Variants in BMPER observed in about 807,000 individuals in gnomAD.
The protein encoded by BMPER is BMP binding endothelial regulator.
BMPER carries 45 observed loss-of-function variants against 87.3 expected under a neutral mutation model. That is an observed-to-expected ratio of 0.52 (90% CI 0.41 to 0.66). The LOEUF (loss-of-function observed/expected upper bound fraction) is 0.66, where lower values mean the gene tolerates loss of function less well. Among genes scored for constraint, BMPER ranks in the 30% least tolerant of loss-of-function variants. BMPER has a pLI of 0.00. For missense variants in BMPER, 784 were observed against 867.5 expected, an observed-to-expected ratio of 0.90 and a Z score of 1.21; for synonymous variants, 326 against 316.2, an observed-to-expected ratio of 1.03 and a Z score of -0.33.
chr7:34,129,682 A>AAGAAAGAAAGAAAGAAAGAAAGAAAGAG (rs1489828774), intron 13 of BMPER, among the ~76,000 whole-genome samples: 2 of 151,500 alleles, frequency 1.3e-5, no homozygotes, highest in Admixed American at 6.6e-5. Context: ...GAAAGAAAGA[A>AAGAAAGAAAGAAAGAAAGAAAGAAAGAG]AACCTGCCAT....
chr7:34,043,074 A>G (rs561734425), intron 6 of BMPER: 1 of 152,262 alleles, frequency 6.6e-6, no homozygotes, highest in Non-Finnish European at 1.5e-5. Flanking sequence ...TTTAACGAAG[A>G]TGGAAACCAT....
intron 13 of BMPER, among the ~76,000 whole-genome samples, chr7:34,131,741 G>C (rs76760208): frequency 0.01 from 1,577 of 152,310 alleles, 21 homozygotes; most frequent in African/African-American, 0.036. Flanking sequence ...ACCCAGGCTA[G>C]TATTGTTCGG....
At chr7:33,961,871 C>G (rs536815496) in intron 3 of BMPER, among the ~76,000 whole-genome samples, 1 of 152,146 alleles carries the variant, frequency 6.6e-6, no homozygotes, top group Admixed American at 6.5e-5. Context: ...AGGGAAAGAA[C>G]TGGAAAGGTA....
At chr7:34,112,677 A>G (rs1034275505) in intron 13 of BMPER, among the ~76,000 whole-genome samples, 1 of 151,988 alleles carries the variant, frequency 6.6e-6, no homozygotes, top group Non-Finnish European at 1.5e-5. Context: ...AGAATAAATT[A>G]TTCACATCCT....
chr7:34,104,788 C>T (rs1463506657), intron 13 of BMPER, among the ~76,000 whole-genome samples: 1 of 152,130 alleles, frequency 6.6e-6, no homozygotes, highest in Non-Finnish European at 1.5e-5. Context: ...CCCCTGTGTC[C>T]ATTGCCTGGG....
At chr7:34,136,912 G>T (rs939176912) in intron 13 of BMPER, among the ~76,000 whole-genome samples, 3 of 152,184 alleles carry the variant, frequency 2.0e-5, no homozygotes, top group Non-Finnish European at 4.4e-5. Flanking sequence ...TAATACATCT[G>T]TCGTTCAAAA....
At chr7:34,141,748 T>C (rs1045337221) in intron 13 of BMPER, among the ~76,000 whole-genome samples, 9 of 152,172 alleles carry the variant, frequency 5.9e-5, no homozygotes, top group Non-Finnish European at 1.2e-4. Context: ...AGGAGGCTCT[T>C]TGGGTTTTAC....
At chr7:34,129,346 C>T (rs1583465288) in intron 13 of BMPER, among the ~76,000 whole-genome samples, 1 of 151,702 alleles carries the variant, frequency 6.6e-6, no homozygotes, top group Admixed American at 6.6e-5. Flanking sequence ...ACTAAAAATA[C>T]AAAAAATTAG....
intron 13 of BMPER, among the ~76,000 whole-genome samples, chr7:34,102,993 T>C (rs1343965421): frequency 1.3e-5 from 2 of 151,702 alleles, no homozygotes; most frequent in African/African-American, 2.4e-5. Flanking sequence ...ATGCTCAAAT[T>C]TGGAAAAAAA....
chr7:33,923,197 G>C (rs575106465), intron 2 of BMPER, among the ~76,000 whole-genome samples: 1 of 152,256 alleles, frequency 6.6e-6, no homozygotes, highest in Admixed American at 6.5e-5. Flanking sequence ...TCTGACTGTG[G>C]ACTCTGTTCT....
chr7:34,120,535 A>T (rs1280888077), intron 13 of BMPER, among the ~76,000 whole-genome samples: 1 of 152,172 alleles, frequency 6.6e-6, no homozygotes, highest in East Asian at 1.9e-4. Flanking sequence ...AGTAGCTGGA[A>T]TTACAGGCGT....
At chr7:33,944,134 G>T in intron 3 of BMPER, among the ~76,000 whole-genome samples, 1 of 151,860 alleles carries the variant, frequency 6.6e-6, no homozygotes, top group Admixed American at 6.6e-5. Context: ...TTTTAAGAAT[G>T]ATTTTTTTCT....
At chr7:34,073,841 G>A (rs1488372428) in intron 11 of BMPER, among the ~76,000 whole-genome samples, 1 of 152,242 alleles carries the variant, frequency 6.6e-6, no homozygotes, top group Non-Finnish European at 1.5e-5. Flanking sequence ...CTTTGGCTGA[G>A]GCAGCAGGGG....
intron 6 of BMPER, among the ~76,000 whole-genome samples, chr7:34,026,305 G>A (rs2127948747): frequency 6.6e-6 from 1 of 152,148 alleles, no homozygotes; most frequent in Non-Finnish European, 1.5e-5. Flanking sequence ...GGACAGCAGA[G>A]ACATTCAACT....
intron 6 of BMPER, among the ~76,000 whole-genome samples, chr7:34,024,454 A>G (rs1279296062): frequency 4.1e-5 from 2 of 49,058 alleles, no homozygotes; most frequent in Middle Eastern, 0.012. Context: ...GGGTATGGTA[A>G]AAAAAAAAAT....
intron 6 of BMPER, among the ~76,000 whole-genome samples, chr7:33,999,184 C>T (rs1786509191): frequency 6.6e-6 from 1 of 152,238 alleles, no homozygotes; most frequent in Non-Finnish European, 1.5e-5. Flanking sequence ...ATGGCAGTTT[C>T]TAGGCACTGG....
intron 3 of BMPER, among the ~76,000 whole-genome samples, chr7:33,953,576 G>C (rs772730968): frequency 3.9e-5 from 6 of 152,140 alleles, no homozygotes; most frequent in African/African-American, 7.2e-5. Context: ...CCCTACTCCA[G>C]ACCAAATGAA....
chr7:34,077,908 T>C (rs1418287729), intron 11 of BMPER, among the ~76,000 whole-genome samples: 3 of 151,184 alleles, frequency 2.0e-5, no homozygotes, highest in African/African-American at 7.4e-5. Flanking sequence ...CTGGAAATTG[T>C]GCTTTTTATT....
chr7:34,007,571 A>AT (rs1309347341), intron 6 of BMPER, among the ~76,000 whole-genome samples: 4 of 151,794 alleles, frequency 2.6e-5, no homozygotes, highest in Non-Finnish European at 5.9e-5. Flanking sequence ...GTTCTGTGTC[A>AT]TTTTTTCACT....
Sources: allele counts gnomAD v4.1 joint callset (sites outside exome capture counted in the v4.1 genomes callset), GRCh38; gene constraint gnomAD v4.1.1; transcripts MANE v1.5; gene names NCBI Gene and HGNC (gene_info 2026-07-23, HGNC 2026-07-21).